Variants in ANKRD10 observed in about 807,000 individuals in gnomAD.
The protein encoded by ANKRD10 is ankyrin repeat domain 10.
Under a neutral mutation model 27.0 loss-of-function variants are expected in ANKRD10, and 14 were observed. The ratio of observed to expected loss-of-function variants is 0.52; its 90% CI spans 0.34 to 0.81. The LOEUF is 0.81. ANKRD10 is among the 40% of genes least tolerant of loss of function. The pLI is 0.01. For missense variants in ANKRD10, 493 were observed against 544.0 expected, an observed-to-expected ratio of 0.91 and a Z score of 0.93; for synonymous variants, 250 against 224.5, an observed-to-expected ratio of 1.11 and a Z score of -1.01.
chr13:110,896,279 C>T (rs183507268), intron 3 of ANKRD10, among the ~76,000 whole-genome samples: 1 of 152,340 alleles, frequency 6.6e-6, no homozygotes, highest in East Asian at 1.9e-4. Flanking sequence ...ATCCAGCACC[C>T]TTTCTCTGCT....
At chr13:110,911,838 G>C (rs1002690437) in intron 1 of ANKRD10, 1 of 151,714 alleles carries the variant, frequency 6.6e-6, no homozygotes, top group East Asian at 1.9e-4. Context: ...TAGTAAACTC[G>C]TCATAGTCAA....
At chr13:110,893,965 A>AAG in intron 3 of ANKRD10, 1 of 591,290 alleles carries the variant, frequency 1.7e-6, no homozygotes, top group South Asian at 2.2e-5. Context: ...TACCACTCAC[A>AAG]AGAACCAAAG....
chr13:110,902,076 A>C (rs926652109), intron 3 of ANKRD10, among the ~76,000 whole-genome samples: 2 of 144,026 alleles, frequency 1.4e-5, no homozygotes, highest in Non-Finnish European at 3.1e-5. Context: ...AAAAAAGAGG[A>C]GGCAAAAGTA....
intron 1 of ANKRD10, chr13:110,911,888 A>T (rs2065722843): frequency 6.6e-6 from 1 of 152,242 alleles, no homozygotes; most frequent in Admixed American, 6.5e-5. Context: ...GCACTTTTAC[A>T]CAAGCCAGCA....
chr13:110,886,174 G>A lies in ANKRD10; in HGVS notation c.692-2381C>T, dbSNP rs145139526. On this transcript the variant is annotated intron_variant, in intron 4 of 5. Transcript: ENST00000267339. Reference sequence around the variant, plus strand: ...GGTGCCACTAGGGGCCGGAAGAGCCGCGTTAAGGGCAGCCCAGGGAAGAGG... The same window carrying A: ...GGTGCCACTAGGGGCCGGAAGAGCCACGTTAAGGGCAGCCCAGGGAAGAGG... Among the ~76,000 whole-genome samples, 10 of 152,350 alleles carry A rather than the reference G, an allele frequency of 6.6e-5. 2 individuals carry two copies. Among genetic ancestry groups the A allele is most frequent in the Admixed American group, 2.0e-4 (3 of 15,304 alleles).
At chr13:110,914,621 C>T (rs2065832271) in intron 1 of ANKRD10, 104 bp downstream of exon 1, 1 of 1,429,254 alleles carries the variant, frequency 7.0e-7, no homozygotes, top group African/African-American at 1.5e-5. Context: ...CCGCTTCCGC[C>T]CCGCGATCCC....
intron 3 of ANKRD10, among the ~76,000 whole-genome samples, chr13:110,901,851 G>C (rs535288104): frequency 2.0e-5 from 3 of 152,026 alleles, no homozygotes; most frequent in Non-Finnish European, 4.4e-5. Context: ...GACCAGCCTG[G>C]GTAACACAGC....
intron 3 of ANKRD10, chr13:110,895,295 T>C (rs553896300): frequency 1.3e-5 from 2 of 152,304 alleles, no homozygotes; most frequent in South Asian, 4.1e-4. Context: ...GAATCATAAA[T>C]ACCATGCTGG....
At position 110,914,946 on chromosome 13, in the gene ANKRD10, G is replaced by GCTCGTCA; in HGVS notation, c.-13_-12insTGACGAG. On this transcript the variant is annotated 5_prime_UTR_variant, in exon 1 of 6. Transcript: ENST00000267339. ...CCCGCCGCCGACATGGTCCGTCACC[G>GCTCGTCA]GAGAGCGCGGGGCTCGCTGGCCTAG... The GCTCGTCA allele has an allele frequency of 4.6e-6, 7 of 1,528,654 alleles. No individual in the cohort carries two copies. Among genetic ancestry groups the GCTCGTCA allele is most frequent in the Non-Finnish European group, 5.2e-6 (6 of 1,143,204 alleles). 94.7% of individuals were successfully genotyped at this position (1,528,654 alleles called of 1,614,324 possible).
chr13:110,909,758 T>C (rs1292933809), intron 2 of ANKRD10, among the ~76,000 whole-genome samples: 16 of 152,152 alleles, frequency 1.1e-4, no homozygotes, highest in Admixed American at 1.0e-3. Flanking sequence ...AGCAACAACC[T>C]TATGCCTGGT....
intron 4 of ANKRD10, among the ~76,000 whole-genome samples, chr13:110,889,378 TTAAG>T (rs1195615136): frequency 9.8e-5 from 15 of 152,328 alleles, no homozygotes; most frequent in South Asian, 4.1e-4. Flanking sequence ...AACAGACTGC[TTAAG>T]TAACTGTGGA....
At chr13:110,911,569 C>T (rs961343623) in intron 1 of ANKRD10, 1 of 152,200 alleles carries the variant, frequency 6.6e-6, no homozygotes, top group African/African-American at 2.4e-5. Flanking sequence ...GGGTTCAAGA[C>T]CAGCCTGGCC....
intron 4 of ANKRD10, among the ~76,000 whole-genome samples, chr13:110,890,834 A>C (rs929542497): frequency 6.6e-6 from 1 of 152,244 alleles, no homozygotes; most frequent in African/African-American, 2.4e-5. Flanking sequence ...GTGAACTTCT[A>C]ATCACTGGTC....
chr13:110,896,812 G>A (rs947301262), intron 3 of ANKRD10, among the ~76,000 whole-genome samples: 2 of 152,054 alleles, frequency 1.3e-5, no homozygotes, highest in African/African-American at 2.4e-5. Context: ...TTATTCTATT[G>A]ATTTTTGCTC....
Position 110,898,750 on chromosome 13 carries a change from CTTTTTTTTT to C in ANKRD10, c.456-5496_456-5488del, listed in dbSNP as rs56176208. Among the ~76,000 whole-genome samples, 60 of 106,546 alleles carry C rather than the reference CTTTTTTTTT, an allele frequency of 5.6e-4. No homozygotes were observed. In the South Asian group the frequency reaches 0.017, roughly 31 times the overall value. 69.9% of individuals were successfully genotyped at this position (106,546 alleles called of 152,430 possible). A position where few individuals can be genotyped will look rare whatever the true frequency, so the allele number is the denominator to read the frequency against. ...ACCATACCCAACTAGTTTTTCTTTT[CTTTTTTTTT>C]TTTTTTTTTTTTTGAGACGGAGTTT... On this transcript the variant is annotated intron_variant, in intron 3 of 5. Coordinates refer to ENST00000267339, the MANE Select transcript of ANKRD10 (RefSeq NM_017664.4).
intron 1 of ANKRD10, 98 bp from the exon 2 acceptor site, chr13:110,910,868 ATTG>A: frequency 7.9e-7 from 1 of 1,266,028 alleles, no homozygotes; most frequent in Non-Finnish European, 1.1e-6. Flanking sequence ...GACAAATGGC[ATTG>A]TTACCAGTTT....
rs978077065 is a variant in ANKRD10, at chr13:110,878,824, A to G, written c.*813T>C. 1 of 152,604 alleles carries G rather than the reference A, an allele frequency of 6.6e-6. No individual in the cohort carries two copies. Among genetic ancestry groups the G allele is most frequent in the African/African-American group, 2.4e-5 (1 of 41,468 alleles). 9.5% of individuals were successfully genotyped at this position (152,604 alleles called of 1,614,324 possible). On this transcript the variant is annotated 3_prime_UTR_variant, in exon 6 of 6. Transcript: ENST00000267339. The stretch of plus-strand genomic sequence containing the variant: ...CATAGTGGTATATATCTTAAAGCAG[A>G]AAACCCCAAAAAACAAAAACAAGGA...
At chr13:110,897,953 C>T (rs1266153804) in intron 3 of ANKRD10, among the ~76,000 whole-genome samples, 1 of 152,178 alleles carries the variant, frequency 6.6e-6, no homozygotes, top group African/African-American at 2.4e-5. Context: ...TCTCCTCATT[C>T]CTCTACTCTT....
chr13:110,895,979 CT>C (rs2065215963), intron 3 of ANKRD10, among the ~76,000 whole-genome samples: 1 of 152,180 alleles, frequency 6.6e-6, no homozygotes, highest in African/African-American at 2.4e-5. Flanking sequence ...TCAAAACTTA[CT>C]TTACTAGAAG....
Sources: gnomAD v4.1 joint callset for allele counts (sites outside exome capture counted in the v4.1 genomes callset) on GRCh38, gnomAD v4.1.1 for gene constraint, MANE v1.5 for transcripts, NCBI Gene and HGNC (gene_info 2026-07-23, HGNC 2026-07-21) for gene names.